The following UBE2J2 variants were observed in gnomAD, a reference collection of about 807,000 sequenced individuals.
The protein encoded by UBE2J2 is ubiquitin-conjugating enzyme E2 J2.
In UBE2J2, 5 loss-of-function variants were observed where a neutral mutation model predicts 28.6. That is an observed-to-expected ratio of 0.17 (90% CI 0.09 to 0.37). The LOEUF (loss-of-function observed/expected upper bound fraction) is 0.37, where lower values mean the gene tolerates loss of function less well. Ranked by LOEUF, UBE2J2 falls within the 10% of genes least tolerant of loss-of-function variation. The pLI is 1.00. For missense variants in UBE2J2, 226 were observed against 338.9 expected (o/e 0.67, Z 2.62); for synonymous variants, 138 against 139.7 (o/e 0.99, Z 0.09).
In UBE2J2 at chr1:1,268,165, C is replaced by T. The variant is rs1368306690; in HGVS notation, c.1-173G>A. ...GCCACCCGCCCAGACACCCAGAGGC[C>T]CTGCGGCTTCTCTCTTCCCGTCTGT... On this transcript the variant is annotated intron_variant, in intron 1 of 6. Transcript: ENST00000349431. The surrounding 1 kb of genome is among the most constrained non-coding windows in gnomAD (Gnocchi z 4.7). 1.3e-5 allele frequency among the ~76,000 whole-genome samples: 2 copies of T among 152,214 alleles called. No individual in the cohort carries two copies. The highest frequency in any genetic ancestry group is 1.9e-4 in the East Asian group (1 of 5,154).
rs1333751835 is a variant in UBE2J2 at position 1,254,835 on chromosome 1, G to T, written c.*368C>A. ...GGGAGCTCCGAGAAACGCGCCAGGA[G>T]CTCCAAGAACGCAGGAGCAGCCCGC... On this transcript the variant is annotated 3_prime_UTR_variant, in exon 7 of 7. Transcript: ENST00000349431. 1 of 172,010 alleles carries T rather than the reference G, an allele frequency of 5.8e-6. No homozygotes were observed. Among genetic ancestry groups the T allele is most frequent in the South Asian group, 1.8e-4 (1 of 5,588 alleles). 10.7% of individuals were successfully genotyped at this position (172,010 alleles called of 1,614,324 possible). A position where few individuals can be genotyped will look rare whatever the true frequency, so the allele number is the denominator to read the frequency against.
rs939081277 is a variant in UBE2J2, at chr1:1,256,873, G to T, written c.414+119C>A. 3 of 1,032,074 alleles carry T rather than the reference G, an allele frequency of 2.9e-6. No homozygotes were observed. The African/African-American group carries it at 5.6e-5, about 19-fold the overall frequency. 63.9% of individuals were successfully genotyped at this position (1,032,074 alleles called of 1,614,324 possible). On this transcript the variant is annotated intron_variant, in intron 5 of 6. Coordinates refer to ENST00000349431, the MANE Select transcript of UBE2J2 (RefSeq NM_058167.3). ...CTGCACTCCAGCCTGGAGACACAGC[G>T]AGACTCCGTCTCAAGAAAAAAAAAA...
At chr1:1,257,182 C>T (rs1207015203) in intron 4 of UBE2J2, 26 bp downstream of exon 4, 1 of 1,602,478 alleles carries the variant, frequency 6.2e-7, no homozygotes, top group South Asian at 1.1e-5. Flanking sequence ...GCCAGAAAGC[C>T]TCCGCGGCCC....
chr1:1,257,403 C>CCG (rs1639262126), intron 3 of UBE2J2, 93 bp from the exon 4 acceptor site: 1 of 603,754 alleles, frequency 1.7e-6, no homozygotes, highest in Middle Eastern at 4.4e-4. Flanking sequence ...ACCCCCCCCC[C>CCG]CCCCCTCAGC....
chr1:1,259,454 G>T (rs1557553730), intron 3 of UBE2J2, among the ~76,000 whole-genome samples: 1 of 152,174 alleles, frequency 6.6e-6, no homozygotes, highest in Non-Finnish European at 1.5e-5. Flanking sequence ...CTGCCCCAAT[G>T]CGAGTCCCCA....
chr1:1,265,892 C>CA (rs1639831838), intron 2 of UBE2J2, among the ~76,000 whole-genome samples: 1 of 152,072 alleles, frequency 6.6e-6, no homozygotes, highest in African/African-American at 2.4e-5. Context: ...CTCGGCCTCC[C>CA]AAAGTGCTGG....
chr1:1,265,917 G>A (rs1330674910), intron 2 of UBE2J2, among the ~76,000 whole-genome samples: 1 of 152,118 alleles, frequency 6.6e-6, no homozygotes, highest in Admixed American at 6.5e-5. Flanking sequence ...ACAGGCATGA[G>A]CCACTGTGCC....
intron 3 of UBE2J2, 46 bp from the exon 4 acceptor site, chr1:1,257,356 G>C (rs766810942): frequency 7.9e-7 from 1 of 1,260,884 alleles, no homozygotes; most frequent in East Asian, 2.4e-5. Flanking sequence ...CGCCACAGCA[G>C]GGGCTCCTGG....
intron 3 of UBE2J2, among the ~76,000 whole-genome samples, chr1:1,259,110 A>C (rs1639393590): frequency 7.4e-6 from 1 of 134,304 alleles, no homozygotes; most frequent in African/African-American, 3.1e-5. Flanking sequence ...ATGTGTGTGC[A>C]TGCCATCAGG....
chr1:1,255,553 G>C, intron 6 of UBE2J2, 66 bp from the exon 7 acceptor site: 1 of 1,522,200 alleles, frequency 6.6e-7, no homozygotes, highest in Non-Finnish European at 8.9e-7. Context: ...CAGCACTCCC[G>C]TTCTCAGGAG....
chr1:1,258,600 G>A (rs1014226281), intron 3 of UBE2J2, among the ~76,000 whole-genome samples: 2 of 152,058 alleles, frequency 1.3e-5, no homozygotes, highest in African/African-American at 4.8e-5. Context: ...CTGCACCCAC[G>A]GGCCCTGTGC....
intron 2 of UBE2J2, among the ~76,000 whole-genome samples, chr1:1,265,720 C>T (rs1570569321): frequency 6.6e-6 from 1 of 151,646 alleles, no homozygotes; most frequent in Non-Finnish European, 1.5e-5. Flanking sequence ...CTCCGCTTCC[C>T]GGGTTCAAGC....
intron 5 of UBE2J2, among the ~76,000 whole-genome samples, 162 bp downstream of exon 5, chr1:1,256,829 GT>G (rs1244220894): frequency 2.0e-5 from 3 of 148,936 alleles, no homozygotes; most frequent in Middle Eastern, 6.8e-3. Flanking sequence ...GGAGCTTGCA[GT>G]GAGCCGAGAT....
intron 2 of UBE2J2, among the ~76,000 whole-genome samples, chr1:1,266,623 C>T (rs1570572202): frequency 6.6e-6 from 1 of 152,178 alleles, no homozygotes; most frequent in South Asian, 2.1e-4. Flanking sequence ...AGATCAAGAC[C>T]ATCCTGGCTA....
At chr1:1,255,540 G>T in intron 6 of UBE2J2, 53 bp from the exon 7 acceptor site, 1 of 1,563,354 alleles carries the variant, frequency 6.4e-7, no homozygotes, top group South Asian at 1.2e-5. Context: ...CGCCTTTCAG[G>T]ACCAGCACTC....
intron 2 of UBE2J2, among the ~76,000 whole-genome samples, chr1:1,265,603 T>TGTG (rs1639809833): frequency 9.1e-5 from 11 of 121,024 alleles, no homozygotes; most frequent in Admixed American, 1.8e-4. Flanking sequence ...TTTCTCTCCA[T>TGTG]TGTGTGTGTG....
At position 1,255,107 on chromosome 1, in the gene UBE2J2, T is replaced by C; in HGVS notation, c.*96A>G. 7.5e-7 allele frequency: 1 copy of C among 1,331,088 alleles called. No homozygotes were observed. The highest frequency in any genetic ancestry group is 1.0e-6 in the Non-Finnish European group (1 of 988,164). The allele number at this position is 1,331,088 out of a possible 1,614,324, so 82.5% of individuals were successfully genotyped here. On this transcript the variant is annotated 3_prime_UTR_variant, in exon 7 of 7. Transcript: ENST00000349431. ...TTAAAAGCTAAACCTAGGAGCCTGG[T>C]GGGTCTGCCTGTGCTGGGCAGTGTG...
chr1:1,258,132 CAGGTTCAA>C (rs766884230), intron 3 of UBE2J2, among the ~76,000 whole-genome samples: 11 of 152,154 alleles, frequency 7.2e-5, no homozygotes, highest in Non-Finnish European at 1.6e-4. Context: ...CTCTGCCTCC[CAGGTTCAA>C]GTGATTATTC....
At position 1,267,849 on chromosome 1, in the gene UBE2J2, C is replaced by T. The variant is rs765108474; in HGVS notation, c.131+13G>A. 9.3e-6 allele frequency: 15 copies of T among 1,613,168 alleles called. No homozygotes were observed. The highest frequency in any genetic ancestry group is 3.3e-5 in the Admixed American group (2 of 59,990). ...ACAGTCAGCGCAGGGCGATCAGTGG[C>T]GCGGAGCCTTACCACTCGAGAATAT... On this transcript the variant is annotated intron_variant, in intron 2 of 6. Coordinates refer to ENST00000349431, the MANE Select transcript of UBE2J2 (RefSeq NM_058167.3).
Sources: allele counts gnomAD v4.1 joint callset (sites outside exome capture counted in the v4.1 genomes callset), GRCh38; gene constraint gnomAD v4.1.1; non-coding constraint Gnocchi (gnomAD v3.1); transcripts MANE v1.5; gene names NCBI Gene and HGNC (gene_info 2026-07-23, HGNC 2026-07-21).